Variants in ADH6 observed in about 807,000 individuals in gnomAD.
ADH6 encodes alcohol dehydrogenase 6 (class V), also known as alcohol dehydrogenase 6.
Under a neutral mutation model 36.5 loss-of-function variants are expected in ADH6, and 34 were observed. The ratio of observed to expected loss-of-function variants is 0.93; its 90% CI spans 0.71 to 1.24. The LOEUF is 1.24. ADH6 is among the 50% of genes most tolerant of loss of function. ADH6 has a pLI of 0.00. For synonymous variants in ADH6, 161 were observed against 155.5 expected (o/e 1.04, Z -0.26); for missense variants, 440 against 447.0 (o/e 0.98, Z 0.14).
Position 99,210,293 on chromosome 4 carries a change from G to T in ADH6, c.356C>A (p.Ser119Ter), listed in dbSNP as rs1420183732. ...ACCATCAGACATCAGTTGGGTTTTT[G>T]ACTGTCTTTTATAGACAAAACAAAA... ...EGNFCIQFKQ[S>*]KTQLMSDGTS... is the part of the protein sequence containing the mutation. The change falls in exon 5 of 9, where the codon TCA becomes TAA. Residue 119 changes from serine to a stop codon, truncating the protein, a stop_gained. Coordinates refer to ENST00000394899, the MANE Select transcript of ADH6 (RefSeq NM_001102470.2). LOFTEE classifies it high-confidence loss of function. The T allele has an allele frequency of 6.2e-7, 1 of 1,613,422 alleles. No homozygotes were observed. Among genetic ancestry groups the T allele is most frequent in the South Asian group, 1.1e-5 (1 of 91,062 alleles).
intron 1 of ADH6, among the ~76,000 whole-genome samples, chr4:99,217,682 C>G (rs1239726971): frequency 2.0e-5 from 3 of 152,146 alleles, no homozygotes; most frequent in Non-Finnish European, 4.4e-5. Flanking sequence ...AATAAACAGG[C>G]AAGTTCAGGT....
At chr4:99,204,685 T>C in intron 8 of ADH6, 1 of 1,234,504 alleles carries the variant, frequency 8.1e-7, no homozygotes, top group Non-Finnish European at 1.0e-6. Flanking sequence ...GGAAATACAA[T>C]GCTAATGGCA....
Position 99,219,196 on chromosome 4 carries a change from T to C in ADH6, c.-44A>G, listed in dbSNP as rs781459357. 5.1e-6 allele frequency: 8 copies of C among 1,583,170 alleles called. No homozygotes were observed. Among genetic ancestry groups the C allele is most frequent in the African/African-American group, 2.7e-5 (2 of 74,210 alleles). On this transcript the variant is annotated 5_prime_UTR_variant, in exon 1 of 9. Transcript: ENST00000394899. ...AGATGAATTTATTGAGAAAGGGAGA[T>C]CCTGTAGCAACTTTCACTGTAGAAA...
At chr4:99,215,618 A>G (rs1579450295) in intron 2 of ADH6, among the ~76,000 whole-genome samples, 1 of 152,300 alleles carries the variant, frequency 6.6e-6, no homozygotes, top group African/African-American at 2.4e-5. Flanking sequence ...GAGTGCTGGG[A>G]TTACAGGGAT....
In ADH6 at chr4:99,205,020, A is replaced by G. The variant is rs756079788; in HGVS notation, c.1008T>C (p.Tyr336=). The change falls in exon 8 of 9, where the codon TAT becomes TAC. Residue 336 remains tyrosine, a synonymous_variant. Coordinates refer to ENST00000394899, the MANE Select transcript of ADH6 (RefSeq NM_001102470.2). ...RQHIPKLVAD[Y]MAEKLNLDPL... is the part of the protein sequence containing the mutation. ...GATCTAGATTCAACTTCTCTGCCAT[A>G]TAATCAGCAACCAGTTTAGGGATGT... The G allele has an allele frequency of 5.0e-6, 8 of 1,607,498 alleles. No homozygotes were observed. The highest frequency in any genetic ancestry group is 3.3e-5 in the South Asian group (3 of 90,006).
chr4:99,210,722 T>C (rs1489999566), intron 3 of ADH6, among the ~76,000 whole-genome samples: 8 of 152,198 alleles, frequency 5.3e-5, no homozygotes, highest in Admixed American at 4.6e-4. Context: ...GGCTGAATCT[T>C]GAGGAACTGG....
intron 3 of ADH6, 80 bp downstream of exon 3, chr4:99,213,518 GATCCTGAC>G: frequency 7.9e-7 from 1 of 1,261,854 alleles, no homozygotes; most frequent in Non-Finnish European, 1.1e-6. Context: ...CATTTCACTT[GATCCTGAC>G]ATACTTAAGG....
rs558349020 is a variant in ADH6 at position 99,217,936 on chromosome 4, G to A, written c.18+1199C>T. Among the ~76,000 whole-genome samples, 3 of 152,256 alleles carry A rather than the reference G, an allele frequency of 2.0e-5. No individual in the cohort carries two copies. The South Asian group carries it at 6.2e-4, about 32-fold the overall frequency. On this transcript the variant is annotated intron_variant, in intron 1 of 8. Transcript: ENST00000394899. ...GGTGTCTCTTGGCAGATTGAGGTTG[G>A]AGAAGTTGTTGGTGGCAAGGTAGTT...
In ADH6 at chr4:99,203,220, G is replaced by A. The variant is rs1179297471; in HGVS notation, c.*999C>T. Reference sequence around the variant, plus strand: ...GCTGGAGCAGAAGAGTCTGCAACTAGGAAGGGAACTCTTGTGTGTATGAGG... The same window carrying A: ...GCTGGAGCAGAAGAGTCTGCAACTAAGAAGGGAACTCTTGTGTGTATGAGG... On this transcript the variant is annotated 3_prime_UTR_variant, in exon 9 of 9. Coordinates refer to ENST00000394899, the MANE Select transcript of ADH6 (RefSeq NM_001102470.2). 2 of 156,148 alleles carry A rather than the reference G, an allele frequency of 1.3e-5. No homozygotes were observed. The highest frequency in any genetic ancestry group is 2.4e-5 in the African/African-American group (1 of 41,578). The allele number at this position is 156,148 out of a possible 1,614,324, so 9.7% of individuals were successfully genotyped here. A position where few individuals can be genotyped will look rare whatever the true frequency, so the allele number is the denominator to read the frequency against.
intron 1 of ADH6, among the ~76,000 whole-genome samples, chr4:99,218,278 T>C (rs1202451518): frequency 6.6e-6 from 1 of 152,186 alleles, no homozygotes; most frequent in Non-Finnish European, 1.5e-5. Context: ...AGCCATGCGA[T>C]GTGTTCACTC....
At chr4:99,205,717 G>A (rs1292749194) in intron 7 of ADH6, among the ~76,000 whole-genome samples, 1 of 152,124 alleles carries the variant, frequency 6.6e-6, no homozygotes, top group Non-Finnish European at 1.5e-5. Flanking sequence ...ACTGTGCTAA[G>A]TGCCACGCTC....
chr4:99,212,127 C>T (rs1731245379), intron 3 of ADH6, among the ~76,000 whole-genome samples: 1 of 152,088 alleles, frequency 6.6e-6, no homozygotes, highest in Non-Finnish European at 1.5e-5. Flanking sequence ...AGTACATGAA[C>T]ATATATCTAT....
chr4:99,208,155 T>C (rs1293205137), intron 6 of ADH6, among the ~76,000 whole-genome samples: 2 of 152,136 alleles, frequency 1.3e-5, no homozygotes, highest in Non-Finnish European at 2.9e-5. Flanking sequence ...TACAGCTGAC[T>C]AGACGATAGA....
At position 99,202,991 on chromosome 4, in the gene ADH6, TC is replaced by T; in HGVS notation, c.*1227del. On this transcript the variant is annotated 3_prime_UTR_variant, in exon 9 of 9. Coordinates refer to ENST00000394899, the MANE Select transcript of ADH6 (RefSeq NM_001102470.2). Reference sequence around the variant, plus strand: ...CATAAGAATCAGACTGTTATGAGAGTCCTTTGATATCATGTGAAAACCATGA... The same window carrying T: ...CATAAGAATCAGACTGTTATGAGAGTCTTTGATATCATGTGAAAACCATGA... 1 of 392,828 alleles carries T rather than the reference TC, an allele frequency of 2.5e-6. No homozygotes were observed. The highest frequency in any genetic ancestry group is 4.5e-6 in the Non-Finnish European group (1 of 222,738). 24.3% of individuals were successfully genotyped at this position (392,828 alleles called of 1,614,324 possible). A position where few individuals can be genotyped will look rare whatever the true frequency, so the allele number is the denominator to read the frequency against.
chr4:99,204,749 C>T (rs1207940665), intron 8 of ADH6, 176 bp downstream of exon 8: 1 of 1,285,972 alleles, frequency 7.8e-7, no homozygotes, highest in Non-Finnish European at 9.8e-7. Context: ...ATTTTATTAG[C>T]TAGAAATAAA....
rs975153266 is a variant in ADH6 at position 99,209,080 on chromosome 4, T to C, written c.568-152A>G. On this transcript the variant is annotated intron_variant, in intron 5 of 8. Coordinates refer to ENST00000394899, the MANE Select transcript of ADH6 (RefSeq NM_001102470.2). ...TACATAACATATTATAACTACAAAG[T>C]TTTGATTTTTCAAAAATATTTCTAG... 8 of 876,934 alleles carry C rather than the reference T, an allele frequency of 9.1e-6. No individual in the cohort carries two copies. In the African/African-American group the frequency reaches 1.4e-4, roughly 15 times the overall value. 54.3% of individuals were successfully genotyped at this position (876,934 alleles called of 1,614,324 possible). A position where few individuals can be genotyped will look rare whatever the true frequency, so the allele number is the denominator to read the frequency against.
Position 99,207,446 on chromosome 4 carries a change from C to A in ADH6, c.964G>T (p.Gly322Cys). Residue 322 changes from glycine (G) to cysteine (C), a missense_variant and splice_region_variant, in exon 7 of 9, where the codon GGC (glycine) becomes TGC (cysteine). Transcript: ENST00000394899. Reference sequence around the variant, plus strand: ...CCACCTTTCCCTGCTTCATCCATACCTCCAAAAACAGAACCCTTCAAAGAA... The same window carrying A: ...CCACCTTTCCCTGCTTCATCCATACATCCAAAAACAGAACCCTTCAAAGAA... Reference protein sequence around the residue: ...GRSLKGSVFGGWKSRQHIPKL... With the variant: ...GRSLKGSVFGCWKSRQHIPKL... 6.2e-7 allele frequency: 1 copy of A among 1,613,030 alleles called. No homozygotes were observed. The highest frequency in any genetic ancestry group is 8.5e-7 in the Non-Finnish European group (1 of 1,179,312).
chr4:99,218,545 G>A (rs1731529962), intron 1 of ADH6, among the ~76,000 whole-genome samples: 1 of 152,082 alleles, frequency 6.6e-6, no homozygotes, highest in Admixed American at 6.6e-5. Context: ...CTGACATCAG[G>A]ATTTTCTCTC....
intron 3 of ADH6, among the ~76,000 whole-genome samples, chr4:99,212,195 A>C (rs1185116100): frequency 6.6e-6 from 1 of 152,162 alleles, no homozygotes; most frequent in Non-Finnish European, 1.5e-5. Context: ...TTTAAATGAT[A>C]TTACATATTG....
Sources: allele counts gnomAD v4.1 joint callset (sites outside exome capture counted in the v4.1 genomes callset), GRCh38; gene constraint gnomAD v4.1.1; transcripts MANE v1.5; gene names NCBI Gene and HGNC (gene_info 2026-07-23, HGNC 2026-07-21).